Variants in ZNF71 observed in about 807,000 individuals in gnomAD.
ZNF71 encodes the protein zinc finger protein 71.
ZNF71 carries 3 observed loss-of-function variants against 6.7 expected under a neutral mutation model. The ratio of observed to expected loss-of-function variants is 0.45; its 90% CI spans 0.20 to 1.16. The LOEUF is 1.16. Ranked by LOEUF, ZNF71 falls within the 50% of genes most tolerant of loss-of-function variation. The pLI is 0.25. For missense variants in ZNF71, 688 were observed against 728.6 expected, an observed-to-expected ratio of 0.94 and a Z score of 0.64; for synonymous variants, 343 against 311.1, an observed-to-expected ratio of 1.10 and a Z score of -1.08.
chr19:56,621,271 G>A lies in ZNF71; in HGVS notation c.164G>A (p.Trp55Ter). The A allele has an allele frequency of 6.6e-7, 1 of 1,515,588 alleles. No homozygotes were observed. 93.9% of individuals were successfully genotyped at this position (1,515,588 alleles called of 1,614,324 possible). Residue 55 changes from tryptophan (W) to a stop codon, truncating the protein, a stop_gained, in exon 4 of 4, where the codon TGG becomes TAG. Transcript: ENST00000599599. LOFTEE classifies it low-confidence loss of function (END_TRUNC). ...ENYRNLVSLDWETRPEMKELD... is the reference protein window; with the variant it reads ...ENYRNLVSLD ...CTTCTGTTTTTGTTTTTTTCAGACT[G>A]GGAGACTAGACCTGAAATGAAAGAG...
chr19:56,601,615 C>T lies in ZNF71; in HGVS notation c.33+24C>T, dbSNP rs921438856. 19 of 985,654 alleles carry T rather than the reference C, an allele frequency of 1.9e-5. No individual in the cohort carries two copies. The African/African-American group carries it at 2.1e-4, about 11-fold the overall frequency. 61.1% of individuals were successfully genotyped at this position (985,654 alleles called of 1,614,324 possible). A position where few individuals can be genotyped will look rare whatever the true frequency, so the allele number is the denominator to read the frequency against. ...TGGTGAGTCATGTTGCCCTGTCACT[C>T]TCCTTTCCAAAGGCTGGATCCTGCC... On this transcript the variant is annotated intron_variant, in intron 2 of 3. Coordinates refer to ENST00000599599, the MANE Select transcript of ZNF71 (RefSeq NM_001370215.1).
chr19:56,614,090 GTATGGGAAATAA>G (rs1267952396), intron 3 of ZNF71, 152 bp downstream of exon 3: 1 of 530,220 alleles, frequency 1.9e-6, no homozygotes, highest in African/African-American at 2.1e-5. Flanking sequence ...GATCACGATG[GTATGGGAAATAA>G]TATTTCTCAC....
At chr19:56,610,844 A>C (rs542455422) in intron 2 of ZNF71, among the ~76,000 whole-genome samples, 1 of 152,326 alleles carries the variant, frequency 6.6e-6, no homozygotes, top group Admixed American at 6.5e-5. Flanking sequence ...AATGTCCTCA[A>C]GGTTCACCCA....
rs187889683 is a variant in ZNF71 at position 56,618,896 on chromosome 19, G to A, written c.161-2372G>A. Among the ~76,000 whole-genome samples the A allele has an allele frequency of 1.4e-4, 22 of 152,238 alleles. No individual in the cohort carries two copies. The highest frequency in any genetic ancestry group is 1.2e-3 in the East Asian group (6 of 5,144). On this transcript the variant is annotated intron_variant, in intron 3 of 3. Transcript: ENST00000599599. The surrounding 1 kb of genome is among the most constrained non-coding windows in gnomAD (Gnocchi z 4.6). The stretch of plus-strand genomic sequence containing the variant: ...TGACTCCTCAGAAGACCGCACTCCC[G>A]GAGGAGTGGAGGACGCATTGCAGGG...
Position 56,622,573 on chromosome 19 carries a change from A to G in ZNF71, c.1466A>G (p.Gln489Arg), listed in dbSNP as rs1013603329. ...CAGAGCGCCTACCTCATCGAGCACC[A>G]GCGGATCCACACCGGCGAGAAGCCG... ...FSQSAYLIEHQRIHTGEKPYR... is the reference protein window; with the variant it reads ...FSQSAYLIEHRRIHTGEKPYR... Residue 489 changes from glutamine (Q) to arginine (R), a missense_variant, in exon 4 of 4, where the codon CAG (glutamine) becomes CGG (arginine). Transcript: ENST00000599599. The G allele has an allele frequency of 5.6e-6, 9 of 1,613,450 alleles. No individual in the cohort carries two copies. Among genetic ancestry groups the G allele is most frequent in the Non-Finnish European group, 7.6e-6 (9 of 1,179,582 alleles).
At position 56,623,318 on chromosome 19, in the gene ZNF71, G is replaced by A. The variant is rs540094633; in HGVS notation, c.*561G>A. ...CAGGAGTTTGCCGGTTGTTTGTGAGGGGAAAAATTTTTTTTTCAGAGTTAG... is the reference window on the plus strand; with the variant it reads ...CAGGAGTTTGCCGGTTGTTTGTGAGAGGAAAAATTTTTTTTTCAGAGTTAG... On this transcript the variant is annotated 3_prime_UTR_variant, in exon 4 of 4. Coordinates refer to ENST00000599599, the MANE Select transcript of ZNF71 (RefSeq NM_001370215.1). 5.9e-6 allele frequency: 1 copy of A among 168,342 alleles called. No homozygotes were observed. The highest frequency in any genetic ancestry group is 2.4e-5 in the African/African-American group (1 of 41,542). The allele number at this position is 168,342 out of a possible 1,614,324, so 10.4% of individuals were successfully genotyped here.
In ZNF71 at chr19:56,622,964, C is replaced by A. The variant is rs1360606056; in HGVS notation, c.*207C>A. On this transcript the variant is annotated 3_prime_UTR_variant, in exon 4 of 4. Coordinates refer to ENST00000599599, the MANE Select transcript of ZNF71 (RefSeq NM_001370215.1). ...AGAAAGCAAGCCCCTCGGTGTCTGA[C>A]GTATCTGGGGACACTTCAAGGTTCA... is the stretch of plus-strand genomic sequence containing the variant. 4.5e-6 allele frequency: 3 copies of A among 667,300 alleles called. No homozygotes were observed. The East Asian group carries it at 8.3e-5, about 18-fold the overall frequency. 41.3% of individuals were successfully genotyped at this position (667,300 alleles called of 1,614,324 possible).
chr19:56,601,658 G>T, intron 2 of ZNF71, 67 bp downstream of exon 2: 1 of 966,432 alleles, frequency 1.0e-6, no homozygotes, highest in Non-Finnish European at 1.2e-6. Flanking sequence ...AGCCTCTGCT[G>T]CTCGAACCCT....
At chr19:56,617,801 G>A (rs2044808208) in intron 3 of ZNF71, among the ~76,000 whole-genome samples, 1 of 152,130 alleles carries the variant, frequency 6.6e-6, no homozygotes, top group South Asian at 2.1e-4. Flanking sequence ...CCTGAGAAAG[G>A]GAGGTGGCTT....
Position 56,622,474 on chromosome 19 carries a change from C to T in ZNF71, c.1367C>T (p.Ser456Phe), listed in dbSNP as rs867006926. 8 of 1,607,100 alleles carry T rather than the reference C, an allele frequency of 5.0e-6. No homozygotes were observed. The African/African-American group carries it at 8.1e-5, about 16-fold the overall frequency. ...ICKKHFTGRS[S>F]LIVHQIVHTG... ...AAGAAGCACTTCACGGGGCGCTCGT[C>T]CCTCATCGTGCACCAGATCGTGCAC... Residue 456 changes from serine (S) to phenylalanine (F), a missense_variant, in exon 4 of 4, where the codon TCC (serine) becomes TTC (phenylalanine). Ser to Phe is a radical substitution (Grantham distance 155, BLOSUM62 -2). Transcript: ENST00000599599.
rs1467666062 is a variant in ZNF71, at chr19:56,618,720, G to A, written c.161-2548G>A. The stretch of plus-strand genomic sequence containing the variant: ...AGGCCCTGAGGCAGGAAGAACACAC[G>A]GACAAGAGGGAGAGCATGGTGATGA... On this transcript the variant is annotated intron_variant, in intron 3 of 3. Coordinates refer to ENST00000599599, the MANE Select transcript of ZNF71 (RefSeq NM_001370215.1). This position sits in a 1 kb window ranked among gnomAD's most constrained non-coding sequence, Gnocchi z 4.6. Among the ~76,000 whole-genome samples the A allele has an allele frequency of 1.4e-5, 2 of 142,322 alleles. No individual in the cohort carries two copies. The highest frequency in any genetic ancestry group is 4.6e-4 in the East Asian group (2 of 4,326). The allele number at this position is 142,322 out of a possible 152,430, so 93.4% of individuals were successfully genotyped here. A position where few individuals can be genotyped will look rare whatever the true frequency, so the allele number is the denominator to read the frequency against.
intron 2 of ZNF71, among the ~76,000 whole-genome samples, chr19:56,608,233 T>G (rs1174341970): frequency 6.6e-6 from 1 of 152,124 alleles, no homozygotes; most frequent in Non-Finnish European, 1.5e-5. Context: ...CCAGAACTCT[T>G]TGATCTTGTA....
intron 3 of ZNF71, among the ~76,000 whole-genome samples, chr19:56,614,309 C>T (rs1015711416): frequency 6.6e-6 from 1 of 152,132 alleles, no homozygotes; most frequent in East Asian, 1.9e-4. Flanking sequence ...AGTTTTTGCC[C>T]ATGAAGTGCA....
Position 56,621,634 on chromosome 19 carries a change from A to C in ZNF71, c.527A>C (p.Asp176Ala), listed in dbSNP as rs2044850221. The change falls in exon 4 of 4, where the codon GAC becomes GCC. Residue 176 changes from aspartate (D) to alanine (A), a missense_variant. Physicochemically the swap from Asp to Ala is moderately radical, Grantham distance 126. Transcript: ENST00000599599. ...RRGKNFSSTS[D>A]LSKPPMPCEE... The stretch of plus-strand genomic sequence containing the variant: ...GGCAAGAACTTCTCCAGCACTTCAG[A>C]CCTCAGTAAGCCCCCCATGCCCTGC... 4.3e-6 allele frequency: 7 copies of C among 1,614,156 alleles called. No homozygotes were observed. The highest frequency in any genetic ancestry group is 3.3e-4 in the Middle Eastern group (2 of 6,062).
rs990157553 is a variant in ZNF71 at position 56,595,302 on chromosome 19, A to G, written c.-179A>G. On this transcript the variant is annotated 5_prime_UTR_variant, in exon 1 of 4. Transcript: ENST00000599599. The stretch of plus-strand genomic sequence containing the variant: ...TCGGGCGGGCCTAGCGGGCGCGGTC[A>G]TTGTCCTGGCAGAGCGGCGAGCCGG... 2.6e-5 allele frequency: 4 copies of G among 152,552 alleles called. No homozygotes were observed. The highest frequency in any genetic ancestry group is 1.3e-4 in the Admixed American group (2 of 15,308). The allele number at this position is 152,552 out of a possible 1,614,324, so 9.4% of individuals were successfully genotyped here.
At chr19:56,605,164 G>T (rs1234956216) in intron 2 of ZNF71, among the ~76,000 whole-genome samples, 1 of 152,174 alleles carries the variant, frequency 6.6e-6, no homozygotes, top group Non-Finnish European at 1.5e-5. Context: ...AATGTGTACA[G>T]CTGGCTTCAG....
At chr19:56,595,582 G>A (rs1357426492) in intron 1 of ZNF71, among the ~76,000 whole-genome samples, 154 bp downstream of exon 1, 1 of 152,162 alleles carries the variant, frequency 6.6e-6, no homozygotes, top group Non-Finnish European at 1.5e-5. Context: ...TGGAGGCTGA[G>A]GGGCTGAGGA....
At chr19:56,597,191 G>A (rs2044632399) in intron 1 of ZNF71, among the ~76,000 whole-genome samples, 1 of 152,118 alleles carries the variant, frequency 6.6e-6, no homozygotes, top group African/African-American at 2.4e-5. Context: ...GGTTTCATGG[G>A]CCCCATGCTC....
At chr19:56,616,927 C>A (rs917523711) in intron 3 of ZNF71, among the ~76,000 whole-genome samples, 1 of 152,198 alleles carries the variant, frequency 6.6e-6, no homozygotes, top group Non-Finnish European at 1.5e-5. Context: ...GTCTTCACAA[C>A]CATTGTTTTA....
Sources: allele counts gnomAD v4.1 joint callset (sites outside exome capture counted in the v4.1 genomes callset), GRCh38; gene constraint gnomAD v4.1.1; non-coding constraint Gnocchi (gnomAD v3.1); transcripts MANE v1.5; gene names NCBI Gene and HGNC (gene_info 2026-07-23, HGNC 2026-07-21).